The following PAPSS2 variants were observed in gnomAD, a reference collection of about 807,000 sequenced individuals.
The protein encoded by PAPSS2 is 3'-phosphoadenosine 5'-phosphosulfate synthase 2, also known as bifunctional 3'-phosphoadenosine 5'-phosphosulfate synthase 2.
In PAPSS2, 61 loss-of-function variants were observed where a neutral mutation model predicts 66.5. The ratio of observed to expected loss-of-function variants is 0.92; its 90% CI spans 0.75 to 1.14. PAPSS2 has a LOEUF of 1.14. Ranked by LOEUF, PAPSS2 falls within the 50% of genes most tolerant of loss-of-function variation. The pLI, the probability that PAPSS2 is intolerant of heterozygous loss-of-function variation, is 0.00. For missense variants in PAPSS2, 708 were observed against 789.6 expected (o/e 0.90, Z 1.24); for synonymous variants, 289 against 287.5 (o/e 1.01, Z -0.05).
rs1280414486 is a variant in PAPSS2 at position 87,743,593 on chromosome 10, C to T, written c.1443C>T (p.Thr481=). The change falls in exon 11 of 13, where the codon ACC becomes ACT. Residue 481 remains threonine, a synonymous_variant. Transcript: ENST00000456849. ...AAGGGGTCCTGGATCCCAAGTCAAC[C>T]ATTGTTGCCATCTTTCCGTCTCCCA... ...LEEGVLDPKS[T]IVAIFPSPML... The T allele has an allele frequency of 1.2e-6, 2 of 1,614,058 alleles. No individual in the cohort carries two copies. Among genetic ancestry groups the T allele is most frequent in the African/African-American group, 2.7e-5 (2 of 74,922 alleles).
At chr10:87,703,795 C>A (rs748693098) in intron 1 of PAPSS2, 1 of 518,812 alleles carries the variant, frequency 1.9e-6, no homozygotes, top group South Asian at 1.4e-5. Context: ...GTCTTAGGGA[C>A]CCAGTATAGA....
chr10:87,727,540 A>T, intron 9 of PAPSS2, 51 bp downstream of exon 9: 1 of 1,419,590 alleles, frequency 7.0e-7, no homozygotes, highest in Non-Finnish European at 9.8e-7. Flanking sequence ...TAAACTGAGA[A>T]GAAAAATAAC....
chr10:87,733,095 T>A (rs1032360807), intron 9 of PAPSS2, among the ~76,000 whole-genome samples: 7 of 152,234 alleles, frequency 4.6e-5, no homozygotes, highest in African/African-American at 1.7e-4. Context: ...ACACAGGTTT[T>A]TAGAACCCCA....
At chr10:87,745,273 A>C (rs1317232015) in intron 12 of PAPSS2, 42 bp downstream of exon 12, 1 of 1,494,468 alleles carries the variant, frequency 6.7e-7, no homozygotes, top group Admixed American at 1.9e-5. Flanking sequence ...CATCTGTATA[A>C]AAGAAATGAT....
intron 1 of PAPSS2, among the ~76,000 whole-genome samples, chr10:87,674,484 C>A (rs893386556): frequency 6.6e-6 from 1 of 151,954 alleles, no homozygotes; most frequent in Admixed American, 6.6e-5. Context: ...TTTTTTATAA[C>A]TTGTAACAGA....
chr10:87,703,882 G>A (rs551086833), intron 1 of PAPSS2: 2 of 512,250 alleles, frequency 3.9e-6, no homozygotes, highest in African/African-American at 1.9e-5. Flanking sequence ...GAGGATGTCT[G>A]TGTGTTCTCT....
At chr10:87,718,673 G>T (rs1471288178) in intron 7 of PAPSS2, among the ~76,000 whole-genome samples, 2 of 152,182 alleles carry the variant, frequency 1.3e-5, no homozygotes, top group Non-Finnish European at 2.9e-5. Context: ...GATCATGCTG[G>T]GTCACTCCAG....
chr10:87,701,325 TTC>T (rs1183129298), intron 1 of PAPSS2, among the ~76,000 whole-genome samples: 808 of 80,974 alleles, frequency 1.0e-2, no homozygotes, highest in Middle Eastern at 0.021. Context: ...CCTTCCTTCC[TTC>T]CTTTCTTTCT....
intron 1 of PAPSS2, among the ~76,000 whole-genome samples, chr10:87,666,986 A>G (rs1386345858): frequency 2.0e-5 from 3 of 152,148 alleles, no homozygotes; most frequent in African/African-American, 7.2e-5. Context: ...GGGGCAGGAC[A>G]CTACTCCCTG....
In PAPSS2 at chr10:87,660,828, A is replaced by C. The variant is rs866184708; in HGVS notation, c.27+820A>C. 9.8e-3 allele frequency among the ~76,000 whole-genome samples: 1,132 copies of C among 115,810 alleles called. 20 individuals are homozygous for C. The highest frequency in any genetic ancestry group is 0.035 in the African/African-American group (1,051 of 29,948). 76.0% of individuals were successfully genotyped at this position (115,810 alleles called of 152,430 possible). ...TGAAAAAAAAAAAAAAAAAAAAAAA[A>C]AAAAAACCGGGAGCAGTAATCATAG... On this transcript the variant is annotated intron_variant, in intron 1 of 12. Coordinates refer to ENST00000456849, the MANE Select transcript of PAPSS2 (RefSeq NM_001015880.2).
At chr10:87,669,024 T>A (rs1852845297) in intron 1 of PAPSS2, among the ~76,000 whole-genome samples, 1 of 152,218 alleles carries the variant, frequency 6.6e-6, no homozygotes. Flanking sequence ...AGCATTTTGT[T>A]GTGGCATTCT....
chr10:87,689,496 G>A (rs1853140364), intron 1 of PAPSS2, among the ~76,000 whole-genome samples: 3 of 151,506 alleles, frequency 2.0e-5, no homozygotes, highest in Admixed American at 1.3e-4. Context: ...GTGAAACCCC[G>A]TCTCTACTAA....
chr10:87,697,799 T>TCTCTTC (rs369716939), intron 1 of PAPSS2, among the ~76,000 whole-genome samples: 2 of 152,150 alleles, frequency 1.3e-5, no homozygotes, highest in African/African-American at 4.8e-5. Flanking sequence ...CACAGTCTCT[T>TCTCTTC]CTCTTCCAGA....
chr10:87,687,505 T>G (rs1365021428), intron 1 of PAPSS2, among the ~76,000 whole-genome samples: 1 of 152,192 alleles, frequency 6.6e-6, no homozygotes, highest in Non-Finnish European at 1.5e-5. Flanking sequence ...GTTCTCTCAC[T>G]CATATGTGGA....
chr10:87,731,479 T>C (rs1345752029), intron 9 of PAPSS2, among the ~76,000 whole-genome samples: 1 of 152,208 alleles, frequency 6.6e-6, no homozygotes, highest in Non-Finnish European at 1.5e-5. Flanking sequence ...AACTTTCAGG[T>C]CTTATTGTTT....
chr10:87,714,925 T>C, intron 5 of PAPSS2, 60 bp from the exon 6 acceptor site: 1 of 1,412,140 alleles, frequency 7.1e-7, no homozygotes, highest in Non-Finnish European at 1.0e-6. Flanking sequence ...AATCTATGCC[T>C]CTTTACTGAA....
chr10:87,683,171 C>T (rs531765715), intron 1 of PAPSS2, among the ~76,000 whole-genome samples: 1 of 149,316 alleles, frequency 6.7e-6, no homozygotes, highest in South Asian at 2.1e-4. Context: ...CAGCTTACCA[C>T]CATCTCCCTC....
chr10:87,662,160 T>A (rs1274475432), intron 1 of PAPSS2, among the ~76,000 whole-genome samples: 1 of 152,210 alleles, frequency 6.6e-6, no homozygotes, highest in Non-Finnish European at 1.5e-5. Context: ...TTTACTGCAC[T>A]GTCAACAGAG....
chr10:87,685,879 T>A (rs61227616), intron 1 of PAPSS2, among the ~76,000 whole-genome samples: 1 of 152,114 alleles, frequency 6.6e-6, no homozygotes, highest in Admixed American at 6.5e-5. Context: ...TACTCTCAAA[T>A]TCTGCGGTTC....
Sources: allele counts gnomAD v4.1 joint callset (sites outside exome capture counted in the v4.1 genomes callset), GRCh38; gene constraint gnomAD v4.1.1; transcripts MANE v1.5; gene names NCBI Gene and HGNC (gene_info 2026-07-23, HGNC 2026-07-21).